UBXN2B: variants seen among roughly 807,000 people sequenced by gnomAD.
The protein encoded by UBXN2B is UBX domain-containing protein 2B.
A neutral mutation model predicts 37.5 loss-of-function variants in UBXN2B; 19 were observed. The ratio of observed to expected loss-of-function variants is 0.51; its 90% CI spans 0.35 to 0.74. The LOEUF is 0.74. Ranked by LOEUF, UBXN2B falls within the 30% of genes least tolerant of loss-of-function variation. The pLI is 0.01. For synonymous variants in UBXN2B, 145 were observed against 143.8 expected, an observed-to-expected ratio of 1.01 and a Z score of -0.06; for missense variants, 370 against 393.2, an observed-to-expected ratio of 0.94 and a Z score of 0.50.
At chr8:58,413,632 T>G (rs1807698194) in intron 1 of UBXN2B, among the ~76,000 whole-genome samples, 2 of 152,182 alleles carry the variant, frequency 1.3e-5, no homozygotes, top group South Asian at 4.1e-4. Context: ...TTAGCTGCCA[T>G]GCAGTGTAGG....
Position 58,445,776 on chromosome 8 carries a change from T to A in UBXN2B, c.672-131T>A, listed in dbSNP as rs1044467107. On this transcript the variant is annotated intron_variant, in intron 6 of 7. Transcript: ENST00000399598. ...TAAGAATCGTAGGATCCAAAATAAC[T>A]TTAATATAATGAAAGAGGTTGAAAG... 7 of 758,192 alleles carry A rather than the reference T, an allele frequency of 9.2e-6. No individual in the cohort carries two copies. The African/African-American group carries it at 1.1e-4, about 12-fold the overall frequency. The allele number at this position is 758,192 out of a possible 1,614,324, so 47.0% of individuals were successfully genotyped here.
Position 58,451,158 on chromosome 8 carries a change from T to A in UBXN2B, c.*3607T>A, listed in dbSNP as rs1563471591. The A allele has an allele frequency of 6.6e-6, 1 of 152,590 alleles. No homozygotes were observed. The highest frequency in any genetic ancestry group is 6.5e-5 in the Admixed American group (1 of 15,280). 9.5% of individuals were successfully genotyped at this position (152,590 alleles called of 1,614,324 possible). On this transcript the variant is annotated 3_prime_UTR_variant, in exon 8 of 8. Coordinates refer to ENST00000399598, the MANE Select transcript of UBXN2B (RefSeq NM_001077619.2). ...CCAATCCTTGTAAAATTATTTGAAATTTTCTTGTTTTTATCAGTTGAGTGC... is the reference window on the plus strand; with the variant it reads ...CCAATCCTTGTAAAATTATTTGAAAATTTCTTGTTTTTATCAGTTGAGTGC...
At chr8:58,413,332 A>T (rs534832385) in intron 1 of UBXN2B, 1 of 152,228 alleles carries the variant, frequency 6.6e-6, no homozygotes, top group African/African-American at 2.4e-5. Context: ...TTGCAAAGAA[A>T]CTTGAAAACA....
At chr8:58,426,172 C>A (rs1360798629) in intron 2 of UBXN2B, 9 of 752,932 alleles carry the variant, frequency 1.2e-5, no homozygotes, top group Non-Finnish European at 1.9e-5. Flanking sequence ...CCCCTCCACA[C>A]AGATCACAGT....
chr8:58,416,991 A>G, intron 2 of UBXN2B, 38 bp downstream of exon 2: 1 of 1,492,182 alleles, frequency 6.7e-7, no homozygotes, highest in Non-Finnish European at 9.0e-7. Flanking sequence ...AAGAAATTAT[A>G]ATCCTTTCTA....
chr8:58,446,272 A>G (rs762269464), intron 7 of UBXN2B, among the ~76,000 whole-genome samples: 8 of 152,250 alleles, frequency 5.3e-5, no homozygotes, highest in Non-Finnish European at 1.0e-4. Context: ...AACAGTCTCT[A>G]TAAACTATCC....
intron 2 of UBXN2B, among the ~76,000 whole-genome samples, chr8:58,418,759 TC>T (rs1438952793): frequency 2.6e-5 from 4 of 152,242 alleles, no homozygotes; most frequent in Non-Finnish European, 4.4e-5. Context: ...TCCTATTCTT[TC>T]ATTTAATTCT....
intron 2 of UBXN2B, among the ~76,000 whole-genome samples, chr8:58,420,153 A>T (rs1458661212): frequency 5.3e-5 from 8 of 152,146 alleles, no homozygotes; most frequent in Non-Finnish European, 1.0e-4. Context: ...CTCAGTTGTA[A>T]TTTTTTTGTT....
chr8:58,432,633 C>T (rs961955347), intron 3 of UBXN2B, among the ~76,000 whole-genome samples: 11 of 152,106 alleles, frequency 7.2e-5, no homozygotes, highest in Non-Finnish European at 1.2e-4. Flanking sequence ...CCGCCTGCCT[C>T]GGCCTCCCAA....
chr8:58,439,794 A>G (rs764630623), intron 6 of UBXN2B, 24 bp downstream of exon 6: 1 of 1,577,120 alleles, frequency 6.3e-7, no homozygotes, highest in East Asian at 2.3e-5. Context: ...AATGAGAAAA[A>G]TACCTTTGTT....
rs1367900286 is a variant in UBXN2B, at chr8:58,451,420, GGTCA to G, written c.*3874_*3877del. The G allele has an allele frequency of 2.0e-5, 3 of 152,108 alleles. No homozygotes were observed. Among genetic ancestry groups the G allele is most frequent in the Non-Finnish European group, 2.9e-5 (2 of 68,006 alleles). 9.4% of individuals were successfully genotyped at this position (152,108 alleles called of 1,614,324 possible). ...ACAATGAACAGACAACCATCTGTGA[GGTCA>G]GTCATTTTGCATGATGTATGTAATC... On this transcript the variant is annotated 3_prime_UTR_variant, in exon 8 of 8. Coordinates refer to ENST00000399598, the MANE Select transcript of UBXN2B (RefSeq NM_001077619.2).
intron 6 of UBXN2B, 112 bp from the exon 7 acceptor site, chr8:58,445,795 T>A: frequency 1.1e-6 from 1 of 874,882 alleles, no homozygotes; most frequent in Non-Finnish European, 1.6e-6. Context: ...ATGAAAGAGG[T>A]TGAAAGAAGT....
chr8:58,424,541 G>C, intron 2 of UBXN2B: 1 of 856,680 alleles, frequency 1.2e-6, no homozygotes. Context: ...TTTAGGGAGA[G>C]AGTGAAGTCC....
intron 6 of UBXN2B, among the ~76,000 whole-genome samples, chr8:58,442,199 G>A (rs1010496056): frequency 6.6e-6 from 1 of 152,194 alleles, no homozygotes; most frequent in East Asian, 1.9e-4. Flanking sequence ...GAGAGTCTGG[G>A]AGATGGAGTC....
intron 6 of UBXN2B, among the ~76,000 whole-genome samples, chr8:58,445,271 A>G (rs1334213525): frequency 6.6e-6 from 1 of 152,206 alleles, no homozygotes; most frequent in Non-Finnish European, 1.5e-5. Context: ...AAGCTTCATT[A>G]TGAATTTATT....
chr8:58,411,497 G>T (rs1382182997), intron 1 of UBXN2B, 28 bp downstream of exon 1: 3 of 1,247,368 alleles, frequency 2.4e-6, no homozygotes, highest in African/African-American at 1.6e-5. Flanking sequence ...GGGAGGGAGC[G>T]CGGCGGTGGA....
chr8:58,431,709 C>T (rs1354380027), intron 3 of UBXN2B, among the ~76,000 whole-genome samples: 2 of 152,178 alleles, frequency 1.3e-5, no homozygotes, highest in African/African-American at 4.8e-5. Context: ...TTCTCTGCAT[C>T]CTTTTCAGCA....
chr8:58,430,217 G>C (rs985938821), intron 2 of UBXN2B, among the ~76,000 whole-genome samples: 2 of 152,174 alleles, frequency 1.3e-5, no homozygotes, highest in African/African-American at 4.8e-5. Context: ...CTGAATTAGT[G>C]AATGAGATGT....
At chr8:58,439,262 AT>A (rs952342155) in intron 5 of UBXN2B, among the ~76,000 whole-genome samples, 13 of 152,164 alleles carry the variant, frequency 8.5e-5, no homozygotes, top group Non-Finnish European at 1.6e-4. Context: ...ACCCATATCA[AT>A]TTTCAGAACT....
Sources: gnomAD v4.1 joint callset for allele counts (sites outside exome capture counted in the v4.1 genomes callset) on GRCh38, gnomAD v4.1.1 for gene constraint, MANE v1.5 for transcripts, NCBI Gene and HGNC (gene_info 2026-07-23, HGNC 2026-07-21) for gene names.